The following TPO variants were observed in gnomAD, a reference collection of about 807,000 sequenced individuals.
The protein encoded by TPO is thyroid microsomal antigen.
TPO carries 78 observed loss-of-function variants against 96.9 expected under a neutral mutation model. The ratio of observed to expected loss-of-function variants is 0.81; its 90% CI spans 0.67 to 0.97. The LOEUF (loss-of-function observed/expected upper bound fraction) is 0.97, where lower values mean the gene tolerates loss of function less well. TPO is among the 50% of genes least tolerant of loss of function. The probability of loss-of-function intolerance (pLI) is 0.00; values close to 1 mark genes in which losing one functional copy is unlikely to be tolerated. For synonymous variants in TPO, 547 were observed against 538.0 expected, an observed-to-expected ratio of 1.02 and a Z score of -0.23; for missense variants, 1,252 against 1,274.8, an observed-to-expected ratio of 0.98 and a Z score of 0.27.
At chr2:1,499,016 C>T (rs1374959389) in intron 13 of TPO, among the ~76,000 whole-genome samples, 4 of 152,180 alleles carry the variant, frequency 2.6e-5, no homozygotes, top group East Asian at 3.9e-4. Flanking sequence ...TGTACACCTG[C>T]GTCTCTCCTT....
At chr2:1,536,932 C>G (rs1452793803) in intron 15 of TPO, among the ~76,000 whole-genome samples, 4 of 117,708 alleles carry the variant, frequency 3.4e-5, no homozygotes, top group South Asian at 6.8e-4. Flanking sequence ...CAAATCCCCC[C>G]CAATGTGAGC....
At chr2:1,486,353 C>T (rs1011838607) in intron 9 of TPO, among the ~76,000 whole-genome samples, 1 of 152,024 alleles carries the variant, frequency 6.6e-6, no homozygotes, top group African/African-American at 2.4e-5. Flanking sequence ...GAAACCCCAT[C>T]TCTACTAAAA....
Position 1,542,778 on chromosome 2 carries a change from T to C in TPO, c.*304T>C, listed in dbSNP as rs1680902176. The C allele has an allele frequency of 3.0e-6, 2 of 667,592 alleles. No individual in the cohort carries two copies. Among genetic ancestry groups the C allele is most frequent in the African/African-American group, 3.6e-5 (2 of 55,032 alleles). The allele number at this position is 667,592 out of a possible 1,614,324, so 41.4% of individuals were successfully genotyped here. On this transcript the variant is annotated 3_prime_UTR_variant, in exon 17 of 17. Coordinates refer to ENST00000329066, the MANE Select transcript of TPO (RefSeq NM_001206744.2). ...AAACACCACTCTTGCAATCCTCCTG[T>C]CTCCACCTTCTGGCATCTCTGATGC...
chr2:1,499,934 AAG>A (rs998911130), intron 13 of TPO, among the ~76,000 whole-genome samples: 2 of 152,236 alleles, frequency 1.3e-5, no homozygotes, highest in Admixed American at 1.3e-4. Context: ...GCACAGTACA[AAG>A]AGCGGGGTGC....
At chr2:1,501,623 G>A (rs927968831) in intron 13 of TPO, among the ~76,000 whole-genome samples, 13 of 152,196 alleles carry the variant, frequency 8.5e-5, no homozygotes, top group African/African-American at 3.1e-4. Flanking sequence ...TCGAGTTAAA[G>A]TGAGGCTGTC....
At chr2:1,530,037 C>A (rs1385616059) in intron 15 of TPO, among the ~76,000 whole-genome samples, 2 of 145,138 alleles carry the variant, frequency 1.4e-5, no homozygotes, top group African/African-American at 5.3e-5. Flanking sequence ...AAATCACCCC[C>A]ACTCTCTGCA....
rs59667255 is a variant in TPO, at chr2:1,489,650, CTGAA to C, written c.1768+1690_1768+1693del. Among the ~76,000 whole-genome samples the C allele has an allele frequency of 6.6e-3, 996 of 150,402 alleles. 12 individuals are homozygous for C. Among genetic ancestry groups the C allele is most frequent in the African/African-American group, 0.022 (911 of 40,822 alleles). On this transcript the variant is annotated intron_variant, in intron 10 of 16. Transcript: ENST00000329066. ...AGAACAGGCACTTAGGGAACCCTCA[CTGAA>C]TGAATGAATGAATGAATGAATGAAT...
At chr2:1,444,548 G>A (rs1186192788) in intron 5 of TPO, among the ~76,000 whole-genome samples, 1 of 104,652 alleles carries the variant, frequency 9.6e-6, no homozygotes, top group East Asian at 3.2e-4. Flanking sequence ...TGCTGCAGGA[G>A]GCACCATGTT....
intron 14 of TPO, among the ~76,000 whole-genome samples, chr2:1,507,315 T>G (rs374851133): frequency 6.6e-6 from 1 of 152,210 alleles, no homozygotes; most frequent in Non-Finnish European, 1.5e-5. Context: ...AGTCAGGTAG[T>G]GTGGTGCCTC....
intron 9 of TPO, among the ~76,000 whole-genome samples, chr2:1,487,097 C>G (rs552504786): frequency 6.6e-6 from 1 of 152,196 alleles, no homozygotes; most frequent in Non-Finnish European, 1.5e-5. Context: ...GCTTTCCATG[C>G]GGGGCCTTTG....
chr2:1,384,269 G>A (rs1049093719), intron 1 of TPO, among the ~76,000 whole-genome samples: 1 of 152,120 alleles, frequency 6.6e-6, no homozygotes, highest in African/African-American at 2.4e-5. Context: ...TAGCTTCATG[G>A]GGATGGCACT....
intron 5 of TPO, among the ~76,000 whole-genome samples, chr2:1,438,186 G>A (rs530582744): frequency 1.6e-4 from 25 of 152,084 alleles, no homozygotes; most frequent in Middle Eastern, 3.4e-3. Flanking sequence ...TGGGGATCCC[G>A]GGGGACAGTG....
At chr2:1,432,719 T>G (rs1455031161) in intron 3 of TPO, among the ~76,000 whole-genome samples, 1 of 77,050 alleles carries the variant, frequency 1.3e-5, no homozygotes, top group Non-Finnish European at 2.3e-5. Flanking sequence ...AGGCCCCAGG[T>G]AAGGAGAGGC....
chr2:1,475,464 C>T (rs1186495482), intron 7 of TPO, among the ~76,000 whole-genome samples: 1 of 151,822 alleles, frequency 6.6e-6, no homozygotes, highest in Non-Finnish European at 1.5e-5. Flanking sequence ...CGCTCTGTCA[C>T]CCAGGCAGGA....
In TPO at chr2:1,517,940, T is replaced by TC. The variant is rs28913017; in HGVS notation, c.2618+967dup. On this transcript the variant is annotated intron_variant, in intron 15 of 16. Transcript: ENST00000329066. Reference sequence around the variant, plus strand: ...CTTCTGCTCTCCCTGAGTGCCAGGCTCCCCCCCCCAATATGCCCTGTGCAC... The same window carrying TC: ...CTTCTGCTCTCCCTGAGTGCCAGGCTCCCCCCCCCCAATATGCCCTGTGCAC... Among the ~76,000 whole-genome samples the TC allele has an allele frequency of 7.4e-3, 1,113 of 150,140 alleles. 10 individuals are homozygous for TC. Among genetic ancestry groups the TC allele is most frequent in the African/African-American group, 0.018 (735 of 40,660 alleles).
intron 13 of TPO, among the ~76,000 whole-genome samples, chr2:1,502,292 G>A (rs960467005): frequency 3.9e-5 from 6 of 152,144 alleles, no homozygotes; most frequent in African/African-American, 1.2e-4. Context: ...ATGGTTACCT[G>A]TACATGAAAC....
chr2:1,458,178 A>G (rs1323006913), intron 7 of TPO, among the ~76,000 whole-genome samples: 1 of 151,612 alleles, frequency 6.6e-6, no homozygotes, highest in African/African-American at 2.4e-5. Context: ...TATATAGGAT[A>G]TAATATAGTG....
intron 1 of TPO, among the ~76,000 whole-genome samples, chr2:1,405,116 C>G (rs952172608): frequency 7.2e-6 from 1 of 139,644 alleles, no homozygotes; most frequent in Non-Finnish European, 1.5e-5. Flanking sequence ...ATTCAATCAT[C>G]ATTCGCCTAT....
chr2:1,530,535 C>G (rs1467360044), intron 15 of TPO, among the ~76,000 whole-genome samples: 2 of 122,296 alleles, frequency 1.6e-5, no homozygotes, highest in Non-Finnish European at 3.4e-5. Context: ...TGTGCAACCC[C>G]CCCAAATCCC....
Sources: gnomAD v4.1 joint callset for allele counts (sites outside exome capture counted in the v4.1 genomes callset) on GRCh38, gnomAD v4.1.1 for gene constraint, MANE v1.5 for transcripts, NCBI Gene and HGNC (gene_info 2026-07-23, HGNC 2026-07-21) for gene names.